The following NF1 variants were observed in gnomAD, a reference collection of about 807,000 sequenced individuals.
NF1 encodes the protein neurofibromin.
NF1 carries 122 observed loss-of-function variants against 325.7 expected under a neutral mutation model. That is an observed-to-expected ratio of 0.37 (90% CI 0.32 to 0.44). The LOEUF (loss-of-function observed/expected upper bound fraction) is 0.44. Ranked by LOEUF, NF1 falls within the 20% of genes least tolerant of loss-of-function variation. The probability of loss-of-function intolerance (pLI) is 1.00; values close to 1 mark genes in which losing one functional copy is unlikely to be tolerated. For synonymous variants in NF1, 1,091 were observed against 1,186.0 expected (o/e 0.92, Z 1.65); for missense variants, 2,140 against 3,415.4 (o/e 0.63, Z 9.31).
intron 8 of NF1, among the ~76,000 whole-genome samples, chr17:31,193,987 C>CA (rs2066392617): frequency 6.6e-6 from 1 of 152,090 alleles, no homozygotes; most frequent in African/African-American, 2.4e-5. Flanking sequence ...GAAGGTTCCT[C>CA]AAAAAACTGC....
chr17:31,114,547 TAAAAAAAA>T (rs143972435), intron 1 of NF1, among the ~76,000 whole-genome samples: 1 of 101,988 alleles, frequency 9.8e-6, no homozygotes, highest in Non-Finnish European at 2.3e-5. Flanking sequence ...CAAAAAAGAA[TAAAAAAAA>T]AAAAGAAAAA....
intron 4 of NF1, 116 bp downstream of exon 4, chr17:31,163,492 A>G (rs777469479): frequency 3.3e-5 from 38 of 1,153,406 alleles, no homozygotes; most frequent in East Asian, 7.7e-5. Flanking sequence ...TTTTTGAGAC[A>G]AGTTCTTTTG....
intron 39 of NF1, chr17:31,330,756 C>T (rs1597835250): frequency 2.5e-6 from 1 of 407,888 alleles, no homozygotes; most frequent in African/African-American, 2.0e-5. Flanking sequence ...ACCTCTGGAC[C>T]ACTTACAAAG....
At chr17:31,302,308 A>G (rs11080150) in intron 36 of NF1, among the ~76,000 whole-genome samples, 54,688 of 151,882 alleles carry the variant, frequency 0.36, 10,326 homozygotes, top group East Asian at 0.54. Flanking sequence ...GTATTTCCCT[A>G]TTTTTCCCTG....
At position 31,206,234 on chromosome 17, in the gene NF1, C is replaced by T. The variant is rs2143913347; in HGVS notation, c.1261-6C>T. 1 of 1,613,494 alleles carries T rather than the reference C, an allele frequency of 6.2e-7. No individual in the cohort carries two copies. The highest frequency in any genetic ancestry group is 1.1e-5 in the South Asian group (1 of 91,072). On this transcript the variant is annotated splice_region_variant and splice_polypyrimidine_tract_variant and intron_variant, in intron 11 of 57. Coordinates refer to ENST00000358273, the MANE Select transcript of NF1 (RefSeq NM_001042492.3). ...TTTCTTCCTATTGGTCTTTGTTTTT[C>T]TCTAGTCCGCATTGGATTGGTGGCC...
At chr17:31,290,544 A>G (rs1223244058) in intron 36 of NF1, among the ~76,000 whole-genome samples, 1 of 152,220 alleles carries the variant, frequency 6.6e-6, no homozygotes, top group Non-Finnish European at 1.5e-5. Flanking sequence ...ACAGAAACCT[A>G]ATTTGCTGAA....
chr17:31,314,020 C>G (rs1430551390), intron 36 of NF1: 2 of 397,944 alleles, frequency 5.0e-6, no homozygotes, highest in Non-Finnish European at 4.4e-6. Flanking sequence ...AATTCTTGTT[C>G]TAACTGGACA....
rs1597715061 is a variant in NF1, at chr17:31,229,016, T to G, written c.2410-9T>G. On this transcript the variant is annotated splice_polypyrimidine_tract_variant and intron_variant, in intron 20 of 57. Coordinates refer to ENST00000358273, the MANE Select transcript of NF1 (RefSeq NM_001042492.3). ...TAATTCATGCTTTGCACAAAAATTT[T>G]GTGTTTAGGCTGCTGAAAGCCTTCA... 6.3e-7 allele frequency: 1 copy of G among 1,588,738 alleles called. No individual in the cohort carries two copies.
intron 30 of NF1, chr17:31,252,716 G>A (rs1290626055): frequency 1.8e-6 from 1 of 544,484 alleles, no homozygotes; most frequent in South Asian, 2.4e-5. Flanking sequence ...GACATGATTG[G>A]GTCTCAACAT....
intron 36 of NF1, chr17:31,314,272 C>T (rs1029101713): frequency 1.5e-5 from 5 of 324,840 alleles, no homozygotes; most frequent in African/African-American, 1.1e-4. Flanking sequence ...TTGAGATACT[C>T]TAGTAATATG....
At chr17:31,337,994 T>A (rs2151557914) in intron 44 of NF1, 31 bp from the exon 45 acceptor site, 1 of 1,585,780 alleles carries the variant, frequency 6.3e-7, no homozygotes, top group Non-Finnish European at 8.7e-7. Context: ...CACAAAGGTT[T>A]TTATAAGTTC....
intron 1 of NF1, 39 bp downstream of exon 1, chr17:31,095,408 G>C (rs915960641): frequency 5.9e-6 from 9 of 1,531,520 alleles, no homozygotes; most frequent in South Asian, 1.2e-5. Flanking sequence ...GGAGCGGAGT[G>C]GGGGTGGGGA....
At chr17:31,261,195 A>G (rs1426214951) in intron 34 of NF1, among the ~76,000 whole-genome samples, 1 of 151,932 alleles carries the variant, frequency 6.6e-6, no homozygotes, top group Non-Finnish European at 1.5e-5. Context: ...GTGATCCAAG[A>G]TCGCACAATT....
chr17:31,110,352 T>C (rs1197098805), intron 1 of NF1, among the ~76,000 whole-genome samples: 1 of 152,186 alleles, frequency 6.6e-6, no homozygotes, highest in African/African-American at 2.4e-5. Flanking sequence ...ATTGCTGACA[T>C]TTGCTGATTC....
intron 1 of NF1, among the ~76,000 whole-genome samples, chr17:31,143,978 C>G (rs1277594989): frequency 2.6e-5 from 4 of 152,054 alleles, no homozygotes; most frequent in Non-Finnish European, 1.5e-5. Context: ...CCTGCCACGA[C>G]GCCCAGCTAA....
intron 20 of NF1, among the ~76,000 whole-genome samples, chr17:31,228,313 G>A (rs1381823538): frequency 1.3e-5 from 2 of 152,050 alleles, no homozygotes; most frequent in Non-Finnish European, 2.9e-5. Context: ...TTCCTCCATG[G>A]TGTTTTTGTC....
chr17:31,361,256 C>T (rs573463261), intron 57 of NF1: 76 of 155,218 alleles, frequency 4.9e-4, no homozygotes, highest in Admixed American at 7.0e-4. Context: ...CATCTTAAAG[C>T]CCATAAGCAT....
In NF1 at chr17:31,325,755, G is replaced by T. The variant is rs867810140; in HGVS notation, c.4836-65G>T. On this transcript the variant is annotated intron_variant, in intron 36 of 57. Coordinates refer to ENST00000358273, the MANE Select transcript of NF1 (RefSeq NM_001042492.3). ...ATGAATCATAAAATAAAATTGATTA[G>T]TGGCATCTGTATATTTATTTTAAAC... is the stretch of plus-strand genomic sequence containing the variant. 131 of 1,128,184 alleles carry T rather than the reference G, an allele frequency of 1.2e-4. No homozygotes were observed. In the African/African-American group the frequency reaches 1.8e-3, roughly 16 times the overall value. The allele number at this position is 1,128,184 out of a possible 1,614,324, so 69.9% of individuals were successfully genotyped here. A position where few individuals can be genotyped will look rare whatever the true frequency, so the allele number is the denominator to read the frequency against.
At chr17:31,296,728 G>T in intron 36 of NF1, 1 of 220,968 alleles carries the variant, frequency 4.5e-6, no homozygotes. Flanking sequence ...TTACTCAGAT[G>T]AGAAAAAATG....
Sources: gnomAD v4.1 joint callset for allele counts (sites outside exome capture counted in the v4.1 genomes callset) on GRCh38, gnomAD v4.1.1 for gene constraint, MANE v1.5 for transcripts, NCBI Gene and HGNC (gene_info 2026-07-23, HGNC 2026-07-21) for gene names.